Variants in CATSPERT observed in about 807,000 individuals in gnomAD.
CATSPERT encodes cation channel sperm-associated targeting subunit tau.
chr2:201,588,912 C>G, the CATSPERT span, among the ~76,000 whole-genome samples: 1 of 152,124 alleles, frequency 6.6e-6, no homozygotes, highest in Non-Finnish European at 1.5e-5. Context: ...TCAGCAAAGT[C>G]CTAGGATACA....
the CATSPERT span, among the ~76,000 whole-genome samples, chr2:201,587,131 C>T: frequency 1.3e-5 from 2 of 151,896 alleles, no homozygotes; most frequent in African/African-American, 4.8e-5. Context: ...CTATTTACAC[C>T]TCCTCATTCT....
At chr2:201,542,252 A>G in the CATSPERT span, among the ~76,000 whole-genome samples, 1 of 152,132 alleles carries the variant, frequency 6.6e-6, no homozygotes, top group Non-Finnish European at 1.5e-5. Context: ...TGTGTATACC[A>G]CATTTTGTTT....
At chr2:201,585,557 T>G in the CATSPERT span, among the ~76,000 whole-genome samples, 10 of 152,042 alleles carry the variant, frequency 6.6e-5, no homozygotes, top group Admixed American at 2.6e-4. Flanking sequence ...GTGGCAAATA[T>G]GTAGGTAAAC....
At chr2:201,598,029 T>C in the CATSPERT span, among the ~76,000 whole-genome samples, 1 of 152,354 alleles carries the variant, frequency 6.6e-6, no homozygotes, top group African/African-American at 2.4e-5. Context: ...TCTACAATGG[T>C]TAAAACAAAG....
the CATSPERT span, chr2:201,534,470 T>C: frequency 2.0e-6 from 2 of 983,508 alleles, no homozygotes; most frequent in East Asian, 1.1e-4. Context: ...CTACAAACTA[T>C]GTGCCCATAC....
chr2:201,545,643 A>G, the CATSPERT span: 13 of 880,408 alleles, frequency 1.5e-5, no homozygotes, highest in African/African-American at 5.2e-5. Flanking sequence ...AAAAAAAAAA[A>G]AAAAAAAAAA....
chr2:201,500,378 G>A, the CATSPERT span, among the ~76,000 whole-genome samples: 1 of 152,216 alleles, frequency 6.6e-6, no homozygotes, highest in South Asian at 2.1e-4. Context: ...GCCGGGCATG[G>A]TGGCACGCGC....
chr2:201,511,156 A>T, the CATSPERT span, among the ~76,000 whole-genome samples: 2 of 152,200 alleles, frequency 1.3e-5, no homozygotes, highest in African/African-American at 4.8e-5. Flanking sequence ...TGAGTGTGGG[A>T]TGAGTACTTT....
At chr2:201,536,287 T>G in the CATSPERT span, 1 of 1,606,116 alleles carries the variant, frequency 6.2e-7, no homozygotes, top group East Asian at 2.2e-5. Flanking sequence ...AAAGTTGGTA[T>G]AGTCAGGCCT....
chr2:201,524,098 C>T, the CATSPERT span, among the ~76,000 whole-genome samples: 2 of 151,718 alleles, frequency 1.3e-5, no homozygotes, highest in Non-Finnish European at 2.9e-5. Context: ...ATATATAATC[C>T]CCATCCCCAA....
the CATSPERT span, chr2:201,491,065 G>T: frequency 1.0e-6 from 1 of 978,502 alleles, no homozygotes; most frequent in Non-Finnish European, 1.4e-6. Context: ...TGTCTTGGGG[G>T]TAATTAAGGT....
At chr2:201,569,769 T>C in the CATSPERT span, among the ~76,000 whole-genome samples, 1 of 152,216 alleles carries the variant, frequency 6.6e-6, no homozygotes, top group East Asian at 1.9e-4. Flanking sequence ...TTCCTCTACA[T>C]TAATCGAGCA....
the CATSPERT span, among the ~76,000 whole-genome samples, chr2:201,569,216 G>A: frequency 6.6e-6 from 1 of 152,260 alleles, no homozygotes; most frequent in South Asian, 2.1e-4. Context: ...CATTAAAGGA[G>A]TTCTGAGTCT....
At chr2:201,533,500 C>A in the CATSPERT span, among the ~76,000 whole-genome samples, 1 of 152,236 alleles carries the variant, frequency 6.6e-6, no homozygotes, top group East Asian at 1.9e-4. Flanking sequence ...GTTCTTGGCT[C>A]ATCATTGTAT....
At chr2:201,542,445 A>T in the CATSPERT span, among the ~76,000 whole-genome samples, 2 of 152,202 alleles carry the variant, frequency 1.3e-5, no homozygotes, top group Non-Finnish European at 2.9e-5. Context: ...AGTAACCACC[A>T]TGCTGTTTTC....
chr2:201,559,493 C>T, the CATSPERT span, among the ~76,000 whole-genome samples: 3 of 152,192 alleles, frequency 2.0e-5, no homozygotes, highest in South Asian at 2.1e-4. Flanking sequence ...CCACATCTGA[C>T]GCCTATGAAA....
At chr2:201,494,569 C>G in the CATSPERT span, 7 of 1,536,914 alleles carry the variant, frequency 4.6e-6, no homozygotes, top group African/African-American at 9.6e-5. Flanking sequence ...GTCATGGGCC[C>G]AGGTTGTATT....
chr2:201,494,465 T>G, the CATSPERT span: 7 of 1,537,334 alleles, frequency 4.6e-6, no homozygotes, highest in Non-Finnish European at 6.1e-6. Flanking sequence ...TCTTTTAAAC[T>G]ATTCTTTGTA....
the CATSPERT span, among the ~76,000 whole-genome samples, chr2:201,592,234 A>G: frequency 6.6e-6 from 1 of 151,558 alleles, no homozygotes; most frequent in African/African-American, 2.4e-5. Context: ...ATCTATTGAG[A>G]TAATCATGTG....
Sources: gnomAD v4.1 joint callset for allele counts (sites outside exome capture counted in the v4.1 genomes callset) on GRCh38, gnomAD v4.1.1 for gene constraint, MANE v1.5 for transcripts, NCBI Gene and HGNC (gene_info 2026-07-23, HGNC 2026-07-21) for gene names.